Variants in GRID2 observed in about 807,000 individuals in gnomAD.
The protein encoded by GRID2 is glutamate ionotropic receptor delta type subunit 2, also known as glutamate receptor ionotropic, delta-2.
A neutral mutation model predicts 114.8 loss-of-function variants in GRID2; 33 were observed. The ratio of observed to expected loss-of-function variants is 0.29; its 90% confidence interval spans 0.22 to 0.38. The LOEUF (loss-of-function observed/expected upper bound fraction) is 0.38. Among genes scored for constraint, GRID2 ranks in the 10% least tolerant of loss-of-function variants. GRID2 has a pLI of 1.00. For synonymous variants in GRID2, 505 were observed against 449.9 expected, an observed-to-expected ratio of 1.12 and a Z score of -1.55; for missense variants, 1,184 against 1,257.7, an observed-to-expected ratio of 0.94 and a Z score of 0.89.
chr4:93,372,819 G>A (rs1258786803), intron 8 of GRID2, among the ~76,000 whole-genome samples: 1 of 152,120 alleles, frequency 6.6e-6, no homozygotes, highest in African/African-American at 2.4e-5. Flanking sequence ...AGTAACTTCT[G>A]AGAGTCTCAC....
At chr4:92,982,177 G>C (rs1197263911) in intron 2 of GRID2, among the ~76,000 whole-genome samples, 3 of 151,862 alleles carry the variant, frequency 2.0e-5, no homozygotes, top group African/African-American at 7.2e-5. Context: ...GTCAAAATGA[G>C]AGGAAGAAAA....
intron 14 of GRID2, among the ~76,000 whole-genome samples, chr4:93,692,392 C>T (rs1362201361): frequency 1.3e-5 from 2 of 152,090 alleles, no homozygotes; most frequent in Non-Finnish European, 2.9e-5. Flanking sequence ...TATAAATGCC[C>T]TCATGGGGGT....
chr4:92,771,302 G>A (rs1738534415), intron 2 of GRID2, among the ~76,000 whole-genome samples: 1 of 152,102 alleles, frequency 6.6e-6, no homozygotes, highest in African/African-American at 2.4e-5. Flanking sequence ...CCTTTGATCT[G>A]TGCTGCTGTA....
intron 13 of GRID2, among the ~76,000 whole-genome samples, chr4:93,620,030 C>T (rs1057057292): frequency 7.9e-5 from 12 of 152,172 alleles, no homozygotes; most frequent in Admixed American, 2.6e-4. Context: ...CCAAATCTAC[C>T]GCAAATCATT....
At chr4:93,185,895 C>CCT in intron 4 of GRID2, among the ~76,000 whole-genome samples, 1 of 152,268 alleles carries the variant, frequency 6.6e-6, no homozygotes, top group South Asian at 2.1e-4. Context: ...ATCCCTCCCC[C>CCT]TGACCCCCAC....
chr4:93,176,746 ACT>A (rs1364053385), intron 4 of GRID2, among the ~76,000 whole-genome samples: 2 of 151,898 alleles, frequency 1.3e-5, no homozygotes, highest in Admixed American at 6.6e-5. Context: ...TTTTTTGTAG[ACT>A]CTCTTGACAG....
At chr4:93,529,436 G>C (rs1486556223) in intron 13 of GRID2, among the ~76,000 whole-genome samples, 1 of 152,182 alleles carries the variant, frequency 6.6e-6, no homozygotes, top group East Asian at 1.9e-4. Flanking sequence ...GCCCACGGCA[G>C]AACTACCTAA....
chr4:93,611,153 T>C lies in GRID2; in HGVS notation c.2194-15116T>C, dbSNP rs1252687644. ...GTAGTTTGTATTTCTGTGGGATCGG[T>C]GGTGATATCCCCTTTATCATTTTTT... is the stretch of plus-strand genomic sequence containing the variant. On this transcript the variant is annotated intron_variant, in intron 13 of 15. Transcript: ENST00000282020. Among the ~76,000 whole-genome samples the C allele has an allele frequency of 5.4e-4, 56 of 103,952 alleles. 1 individual carries two copies. The highest frequency in any genetic ancestry group is 9.7e-4 in the Non-Finnish European group (50 of 51,808). The allele number at this position is 103,952 out of a possible 152,430, so 68.2% of individuals were successfully genotyped here.
At chr4:93,650,033 A>C (rs75841454) in intron 14 of GRID2, among the ~76,000 whole-genome samples, 3,787 of 152,054 alleles carry the variant, frequency 0.025, 173 homozygotes, top group African/African-American at 0.087. Context: ...TCTGCATTCC[A>C]AGGCACTAGG....
At chr4:93,558,863 A>G (rs1734598032) in intron 13 of GRID2, among the ~76,000 whole-genome samples, 1 of 152,218 alleles carries the variant, frequency 6.6e-6, no homozygotes, top group South Asian at 2.1e-4. Flanking sequence ...TGAATCCAGC[A>G]GCACATCAAA....
At chr4:92,715,181 A>T (rs1735476631) in intron 2 of GRID2, among the ~76,000 whole-genome samples, 1 of 152,192 alleles carries the variant, frequency 6.6e-6, no homozygotes, top group Admixed American at 6.5e-5. Context: ...TTTCTAGGAC[A>T]GGGGCAAAAT....
intron 2 of GRID2, among the ~76,000 whole-genome samples, chr4:92,899,865 A>G (rs1226548792): frequency 6.6e-6 from 1 of 152,146 alleles, no homozygotes; most frequent in Non-Finnish European, 1.5e-5. Flanking sequence ...GGTAATTCCT[A>G]TAGATAAAGA....
chr4:93,628,969 A>G (rs1193872179), intron 14 of GRID2, among the ~76,000 whole-genome samples: 1 of 151,890 alleles, frequency 6.6e-6, no homozygotes, highest in African/African-American at 2.4e-5. Context: ...GTTTTGCCAT[A>G]TTGGGCAGGC....
At chr4:93,440,181 T>C (rs977371949) in intron 10 of GRID2, among the ~76,000 whole-genome samples, 1 of 152,022 alleles carries the variant, frequency 6.6e-6, no homozygotes, top group African/African-American at 2.4e-5. Context: ...CAAAAGAGTC[T>C]TACATATTTT....
At position 93,307,950 on chromosome 4, in the gene GRID2, TA is replaced by T. The variant is rs1368704121; in HGVS notation, c.1245+69465del. Among the ~76,000 whole-genome samples, 29 of 150,340 alleles carry T rather than the reference TA, an allele frequency of 1.9e-4. 1 individual carries two copies. Among genetic ancestry groups the T allele is most frequent in the Admixed American group, 1.6e-3 (25 of 15,188 alleles). On this transcript the variant is annotated intron_variant, in intron 8 of 15. Transcript: ENST00000282020. ...TTAATTTCTTTCTGATTTTTTTTTT[TA>T]AAAACTTTTATTACCAGAGGCCTGT...
chr4:93,559,389 G>C (rs999061613), intron 13 of GRID2, among the ~76,000 whole-genome samples: 2 of 151,248 alleles, frequency 1.3e-5, no homozygotes, highest in African/African-American at 4.8e-5. Context: ...CAAATTTACA[G>C]GAAAAAACCC....
At chr4:93,573,551 G>A (rs1309486063) in intron 13 of GRID2, among the ~76,000 whole-genome samples, 1 of 152,146 alleles carries the variant, frequency 6.6e-6, no homozygotes, top group African/African-American at 2.4e-5. Context: ...TGAAACATGA[G>A]AGAGACATCT....
chr4:92,709,533 T>G (rs1735120058), intron 2 of GRID2, among the ~76,000 whole-genome samples: 1 of 138,536 alleles, frequency 7.2e-6, no homozygotes, highest in East Asian at 2.2e-4. Context: ...ATGTCCTTAC[T>G]GAAATTTGCC....
At chr4:92,587,959 T>C (rs929113717) in intron 1 of GRID2, among the ~76,000 whole-genome samples, 1 of 152,206 alleles carries the variant, frequency 6.6e-6, no homozygotes, top group South Asian at 2.1e-4. Context: ...TGAAACATCT[T>C]TGTATAAACA....
Sources: allele counts gnomAD v4.1 joint callset (sites outside exome capture counted in the v4.1 genomes callset), GRCh38; gene constraint gnomAD v4.1.1; transcripts MANE v1.5; gene names NCBI Gene and HGNC (gene_info 2026-07-23, HGNC 2026-07-21).